Variants in CSMD3 observed in about 807,000 individuals in gnomAD.
CSMD3 encodes the protein CUB and Sushi multiple domains 3, also known as CUB and sushi domain-containing protein 3.
In CSMD3, 177 loss-of-function variants were observed where a neutral mutation model predicts 435.2. The observed-to-expected ratio is 0.41, with a 90% confidence interval of 0.36 to 0.46. CSMD3 has a LOEUF of 0.46. CSMD3 is among the 20% of genes least tolerant of loss of function. CSMD3 has a pLI of 0.34. For missense variants in CSMD3, 4,265 were observed against 4,504.6 expected (o/e 0.95, Z 1.52); for synonymous variants, 1,656 against 1,520.5 (o/e 1.09, Z -2.07).
chr8:113,042,154 A>G (rs950304846), intron 5 of CSMD3, among the ~76,000 whole-genome samples: 1 of 152,246 alleles, frequency 6.6e-6, no homozygotes, highest in African/African-American at 2.4e-5. Context: ...TTTTATGTCC[A>G]CCTGCATTTG....
chr8:113,364,635 AT>A (rs2094299553), intron 1 of CSMD3, among the ~76,000 whole-genome samples: 1 of 152,086 alleles, frequency 6.6e-6, no homozygotes, highest in East Asian at 1.9e-4. Flanking sequence ...TGCTGCAGTA[AT>A]TTAAGTGTGA....
At chr8:112,342,062 T>C (rs1825171791) in intron 41 of CSMD3, among the ~76,000 whole-genome samples, 1 of 152,134 alleles carries the variant, frequency 6.6e-6, no homozygotes, top group African/African-American at 2.4e-5. Context: ...AAAAGGTCAA[T>C]CTAAGGTTGA....
At chr8:112,830,508 T>C (rs1241165371) in intron 11 of CSMD3, among the ~76,000 whole-genome samples, 1 of 152,088 alleles carries the variant, frequency 6.6e-6, no homozygotes, top group East Asian at 1.9e-4. Flanking sequence ...TAAAAATAGC[T>C]ATAATATTGA....
intron 13 of CSMD3, among the ~76,000 whole-genome samples, chr8:112,732,295 T>C (rs187493113): frequency 9.3e-4 from 142 of 152,234 alleles, no homozygotes; most frequent in African/African-American, 3.1e-3. Context: ...AACAGTTAAG[T>C]TGTCTCTCTT....
chr8:112,913,169 C>A (rs896129102), intron 10 of CSMD3, among the ~76,000 whole-genome samples: 1 of 152,042 alleles, frequency 6.6e-6, no homozygotes, highest in Non-Finnish European at 1.5e-5. Context: ...TGGTCCCCAA[C>A]CTTTTAGGCA....
rs554623191 is a variant in CSMD3 at position 112,415,809 on chromosome 8, G to A, written c.5396-6777C>T. 3.3e-4 allele frequency among the ~76,000 whole-genome samples: 51 copies of A among 152,274 alleles called. 1 individual carries two copies. The highest frequency in any genetic ancestry group is 6.8e-3 in the Middle Eastern group (2 of 294). The stretch of plus-strand genomic sequence containing the variant: ...TCATTTTGGAATTTTAAGGCTTAAT[G>A]ACTGCTCTATTGGATTTTGGACTTG... On this transcript the variant is annotated intron_variant, in intron 32 of 70. Transcript: ENST00000297405.
In CSMD3 at chr8:112,981,566, A is replaced by C. The variant is rs1397703771; in HGVS notation, c.1031-5418T>G. On this transcript the variant is annotated intron_variant, in intron 6 of 70. Transcript: ENST00000297405. ...AAGTGGCCTTGATGAAATAATATGC[A>C]AAATGAATGAATAAATAAATAATAT... Among the ~76,000 whole-genome samples the C allele has an allele frequency of 2.6e-5, 4 of 151,772 alleles. No individual in the cohort carries two copies. The East Asian group carries it at 7.7e-4, about 29-fold the overall frequency.
At chr8:112,514,109 T>C (rs992792943) in intron 28 of CSMD3, among the ~76,000 whole-genome samples, 2 of 152,128 alleles carry the variant, frequency 1.3e-5, no homozygotes, top group Non-Finnish European at 2.9e-5. Context: ...CCCAGTCTCA[T>C]CTCAAACTCC....
At chr8:112,338,880 C>T (rs2130974273) in intron 42 of CSMD3, among the ~76,000 whole-genome samples, 1 of 152,078 alleles carries the variant, frequency 6.6e-6, no homozygotes. Context: ...TAAATATACC[C>T]TTTCAATTTC....
intron 22 of CSMD3, among the ~76,000 whole-genome samples, chr8:112,627,303 G>T (rs891402626): frequency 1.3e-5 from 2 of 152,108 alleles, no homozygotes; most frequent in African/African-American, 4.8e-5. Flanking sequence ...GAAAAAGTAT[G>T]CTCTAGGTAT....
chr8:113,105,993 A>C (rs1474076246), intron 4 of CSMD3, among the ~76,000 whole-genome samples: 3 of 152,146 alleles, frequency 2.0e-5, no homozygotes, highest in Non-Finnish European at 2.9e-5. Flanking sequence ...TTAGAAAATA[A>C]GGACTTTATA....
chr8:112,782,000 T>C (rs891146115), intron 13 of CSMD3, among the ~76,000 whole-genome samples: 5 of 152,106 alleles, frequency 3.3e-5, no homozygotes, highest in African/African-American at 9.7e-5. Flanking sequence ...ACTGTGAAGA[T>C]TGCAATAAAT....
intron 4 of CSMD3, among the ~76,000 whole-genome samples, chr8:113,158,218 A>G (rs2091969710): frequency 6.6e-6 from 1 of 151,998 alleles, no homozygotes; most frequent in African/African-American, 2.4e-5. Context: ...GAAAAAGAAA[A>G]CAAAACAAGA....
chr8:113,413,358 T>C (rs1271178268), intron 1 of CSMD3, among the ~76,000 whole-genome samples: 1 of 152,126 alleles, frequency 6.6e-6, no homozygotes, highest in African/African-American at 2.4e-5. Flanking sequence ...AGTCACTGGA[T>C]CTAGTGGCTG....
chr8:113,223,364 C>T (rs1404272684), intron 3 of CSMD3, among the ~76,000 whole-genome samples: 1 of 150,132 alleles, frequency 6.7e-6, no homozygotes, highest in Non-Finnish European at 1.5e-5. Flanking sequence ...CTATGACTTC[C>T]TTGTTTTGTG....
intron 4 of CSMD3, among the ~76,000 whole-genome samples, chr8:113,101,230 A>G (rs575035321): frequency 2.0e-5 from 3 of 152,104 alleles, no homozygotes; most frequent in Non-Finnish European, 4.4e-5. Flanking sequence ...GTCTCATGCT[A>G]TGGGTATAGA....
chr8:112,651,744 G>A (rs193115811), intron 18 of CSMD3, among the ~76,000 whole-genome samples: 3 of 151,784 alleles, frequency 2.0e-5, no homozygotes, highest in Non-Finnish European at 4.4e-5. Context: ...TACCATGCTG[G>A]CCAGGCTGGT....
At chr8:112,768,583 C>T (rs1249524880) in intron 13 of CSMD3, among the ~76,000 whole-genome samples, 1 of 151,898 alleles carries the variant, frequency 6.6e-6, no homozygotes, top group Non-Finnish European at 1.5e-5. Context: ...CACTGAGTTA[C>T]ATTCTGGCAC....
chr8:112,440,208 A>G (rs1288950168), intron 32 of CSMD3, among the ~76,000 whole-genome samples: 1 of 152,206 alleles, frequency 6.6e-6, no homozygotes, highest in East Asian at 1.9e-4. Flanking sequence ...ATTGGTCAGA[A>G]CAAAGGGACT....
Sources: allele counts gnomAD v4.1 joint callset (sites outside exome capture counted in the v4.1 genomes callset), GRCh38; gene constraint gnomAD v4.1.1; transcripts MANE v1.5; gene names NCBI Gene and HGNC (gene_info 2026-07-23, HGNC 2026-07-21).